MAPK10: variants seen among roughly 807,000 people sequenced by gnomAD.
MAPK10 encodes the protein JNK3 alpha protein kinase.
Under a neutral mutation model 59.3 loss-of-function variants are expected in MAPK10, and 25 were observed. That is an observed-to-expected ratio of 0.42 (90% CI 0.31 to 0.59). The LOEUF (loss-of-function observed/expected upper bound fraction) is 0.59. Among genes scored for constraint, MAPK10 ranks in the 20% least tolerant of loss-of-function variants. The pLI, the probability that MAPK10 is intolerant of heterozygous loss-of-function variation, is 0.15. For synonymous variants in MAPK10, 190 were observed against 200.5 expected (o/e 0.95, Z 0.44); for missense variants, 351 against 568.9 (o/e 0.62, Z 3.90).
intron 2 of MAPK10, among the ~76,000 whole-genome samples, chr4:86,232,375 ATT>A (rs528181092): frequency 6.9e-5 from 10 of 144,078 alleles, no homozygotes; most frequent in Non-Finnish European, 1.2e-4. Context: ...AATAGAATCA[ATT>A]TTTTTTTTTT....
chr4:86,144,755 A>C (rs1259125249), intron 4 of MAPK10, among the ~76,000 whole-genome samples: 1 of 152,164 alleles, frequency 6.6e-6, no homozygotes, highest in African/African-American at 2.4e-5. Context: ...CACTGAATGG[A>C]GTGAAGGAGA....
intron 2 of MAPK10, among the ~76,000 whole-genome samples, chr4:86,316,292 A>G (rs2095787021): frequency 1.3e-5 from 2 of 152,240 alleles, no homozygotes; most frequent in South Asian, 4.1e-4. Flanking sequence ...GCAACGCATT[A>G]AACCCTAGCA....
chr4:86,578,517 A>C (rs1762048310), intron 1 of MAPK10, among the ~76,000 whole-genome samples: 1 of 152,216 alleles, frequency 6.6e-6, no homozygotes, highest in Non-Finnish European at 1.5e-5. Context: ...ATGGAGAATA[A>C]AGGCCATAAA....
At chr4:86,119,988 T>C (rs1285717484) in intron 4 of MAPK10, 5 of 152,356 alleles carry the variant, frequency 3.3e-5, no homozygotes, top group African/African-American at 1.2e-4. Flanking sequence ...CCACAGGTGT[T>C]GGCCCCCAAA....
At chr4:86,036,359 A>G (rs901105443) in intron 11 of MAPK10, among the ~76,000 whole-genome samples, 3 of 152,126 alleles carry the variant, frequency 2.0e-5, no homozygotes, top group Non-Finnish European at 2.9e-5. Context: ...GAAAGAAACC[A>G]TAGAACAATT....
At chr4:86,485,435 CCTATGT>C (rs1753916878) in intron 1 of MAPK10, among the ~76,000 whole-genome samples, 1 of 152,262 alleles carries the variant, frequency 6.6e-6, no homozygotes, top group South Asian at 2.1e-4. Flanking sequence ...CACTGTATCT[CCTATGT>C]CTAGCAAAGT....
At chr4:86,439,271 C>T (rs1332282122) in intron 1 of MAPK10, among the ~76,000 whole-genome samples, 2 of 152,162 alleles carry the variant, frequency 1.3e-5, no homozygotes, top group East Asian at 3.9e-4. Flanking sequence ...TAAAGTCAGC[C>T]TCTCACCCCA....
intron 2 of MAPK10, 43 bp downstream of exon 2, chr4:86,354,487 C>T (rs191478467): frequency 4.6e-6 from 4 of 865,520 alleles, no homozygotes; most frequent in Non-Finnish European, 6.1e-6. Flanking sequence ...CTATATAGAT[C>T]CTAGTTTTCA....
chr4:86,277,371 G>A (rs1032403858), intron 2 of MAPK10: 1 of 152,028 alleles, frequency 6.6e-6, no homozygotes, highest in Admixed American at 6.6e-5. Context: ...ATCATCTGTG[G>A]CATATCCTGG....
intron 9 of MAPK10, among the ~76,000 whole-genome samples, chr4:86,086,748 A>G (rs2051960160): frequency 6.6e-6 from 1 of 152,150 alleles, no homozygotes; most frequent in African/African-American, 2.4e-5. Context: ...ATTTAGGTAT[A>G]ATTTTATTGT....
intron 4 of MAPK10, among the ~76,000 whole-genome samples, chr4:86,127,085 G>A (rs2060193242): frequency 6.6e-6 from 1 of 151,438 alleles, no homozygotes; most frequent in African/African-American, 2.4e-5. Flanking sequence ...ATTATTTTGT[G>A]TTTGAAAATC....
Position 86,529,683 on chromosome 4 carries a change from C to G in MAPK10, c.-263+64227G>C, listed in dbSNP as rs954631849. Reference sequence around the variant, plus strand: ...GTTGGCTTCCTCTCTCCCAACCTCCCCTGGGAGATGGGAACAGCGATGGGT... The same window carrying G: ...GTTGGCTTCCTCTCTCCCAACCTCCGCTGGGAGATGGGAACAGCGATGGGT... On this transcript the variant is annotated intron_variant, in intron 1 of 4. Transcript: ENST00000502302. Among the ~76,000 whole-genome samples the G allele has an allele frequency of 3.3e-5, 5 of 152,288 alleles. No individual in the cohort carries two copies. In the South Asian group the frequency reaches 8.3e-4, roughly 25 times the overall value.
At chr4:86,409,401 T>C (rs7376405) in intron 1 of MAPK10, among the ~76,000 whole-genome samples, 43,932 of 152,098 alleles carry the variant, frequency 0.29, 6,533 homozygotes, top group Admixed American at 0.33. Flanking sequence ...TTTGGTTCCA[T>C]ATGAACTTTA....
chr4:86,389,086 T>C (rs1224396601), intron 1 of MAPK10, among the ~76,000 whole-genome samples: 2 of 152,188 alleles, frequency 1.3e-5, no homozygotes, highest in Non-Finnish European at 2.9e-5. Context: ...GATTGGATCA[T>C]GGGGCTGGAT....
At chr4:86,264,399 G>A (rs2094139919) in intron 2 of MAPK10, among the ~76,000 whole-genome samples, 2 of 152,266 alleles carry the variant, frequency 1.3e-5, no homozygotes, top group Middle Eastern at 3.4e-3. Flanking sequence ...AACAAGAAGA[G>A]ACATGATACT....
intron 9 of MAPK10, among the ~76,000 whole-genome samples, chr4:86,093,938 T>G (rs564738968): frequency 2.0e-4 from 30 of 152,052 alleles, no homozygotes; most frequent in Admixed American, 4.6e-4. Flanking sequence ...AAAGAATGCC[T>G]ACTAAATTGT....
chr4:86,125,098 T>G (rs1029834160), intron 4 of MAPK10: 2 of 151,972 alleles, frequency 1.3e-5, no homozygotes, highest in African/African-American at 4.8e-5. Context: ...TTAGCAAAAT[T>G]TGTTCTTAGC....
intron 1 of MAPK10, among the ~76,000 whole-genome samples, chr4:86,367,544 G>A (rs1738095437): frequency 6.6e-6 from 1 of 152,098 alleles, no homozygotes; most frequent in Admixed American, 6.6e-5. Flanking sequence ...CAAAGGCCAA[G>A]GAAGCTGAGA....
intron 4 of MAPK10, among the ~76,000 whole-genome samples, chr4:86,148,560 T>G (rs2065577852): frequency 6.6e-6 from 1 of 152,068 alleles, no homozygotes. Flanking sequence ...GATGAAGACC[T>G]GGAAAAGGCA....
Sources: gnomAD v4.1 joint callset for allele counts (sites outside exome capture counted in the v4.1 genomes callset) on GRCh38, gnomAD v4.1.1 for gene constraint, MANE v1.5 for transcripts, NCBI Gene and HGNC (gene_info 2026-07-23, HGNC 2026-07-21) for gene names.